BCAR3: variants seen among roughly 807,000 people sequenced by gnomAD.
The protein encoded by BCAR3 is BCAR3 adaptor protein, NSP family member.
Under a neutral mutation model 80.1 loss-of-function variants are expected in BCAR3, and 37 were observed. The ratio of observed to expected loss-of-function variants is 0.46; its 90% CI spans 0.36 to 0.61. BCAR3 has a LOEUF of 0.61. Among genes scored for constraint, BCAR3 ranks in the 20% least tolerant of loss-of-function variants. The pLI is 0.00. For synonymous variants in BCAR3, 389 were observed against 418.9 expected (o/e 0.93, Z 0.87); for missense variants, 978 against 1,068.2 (o/e 0.92, Z 1.18).
intron 3 of BCAR3, among the ~76,000 whole-genome samples, chr1:93,689,372 A>T (rs562953940): frequency 1.6e-4 from 24 of 152,196 alleles, no homozygotes; most frequent in Admixed American, 1.0e-3. Flanking sequence ...TACTAAAAAA[A>T]ATATAAAAAT....
intron 2 of BCAR3, among the ~76,000 whole-genome samples, chr1:93,767,783 T>C (rs1237193680): frequency 1.3e-5 from 2 of 152,178 alleles, no homozygotes; most frequent in Non-Finnish European, 2.9e-5. Context: ...GATGTTCCAT[T>C]AGGATTAGAA....
intron 2 of BCAR3, among the ~76,000 whole-genome samples, chr1:93,804,246 C>T (rs1263020821): frequency 6.6e-6 from 1 of 152,206 alleles, no homozygotes; most frequent in East Asian, 1.9e-4. Flanking sequence ...TTCTATTACC[C>T]ATATGCCTAA....
Position 93,825,040 on chromosome 1 carries a change from G to A in BCAR3, c.-63+20527C>T, listed in dbSNP as rs1225345973. 7.5e-5 allele frequency among the ~76,000 whole-genome samples: 10 copies of A among 133,864 alleles called. 2 individuals carry two copies. Among genetic ancestry groups the A allele is most frequent in the Admixed American group, 6.2e-4 (8 of 12,888 alleles). 87.8% of individuals were successfully genotyped at this position (133,864 alleles called of 152,430 possible). On this transcript the variant is annotated intron_variant, in intron 2 of 13. Coordinates refer to the BCAR3 transcript ENST00000370244. Reference sequence around the variant, plus strand: ...TCTCTGGTAACCTATCAAAACTCACGAGTGCGTACAGAGACCCCCTCAGTG... The same window carrying A: ...TCTCTGGTAACCTATCAAAACTCACAAGTGCGTACAGAGACCCCCTCAGTG...
intron 3 of BCAR3, among the ~76,000 whole-genome samples, chr1:93,623,438 T>A (rs1032064787): frequency 1.3e-5 from 2 of 152,110 alleles, no homozygotes; most frequent in Non-Finnish European, 2.9e-5. Flanking sequence ...AGCAGGTGAA[T>A]GACATGAGAC....
At chr1:93,645,936 T>C (rs965982763) in intron 2 of BCAR3, among the ~76,000 whole-genome samples, 3 of 151,958 alleles carry the variant, frequency 2.0e-5, no homozygotes, top group Non-Finnish European at 4.4e-5. Context: ...CCTAGAGTGA[T>C]GCAACATGTT....
At chr1:93,595,572 C>T (rs1674386287) in intron 3 of BCAR3, among the ~76,000 whole-genome samples, 1 of 152,166 alleles carries the variant, frequency 6.6e-6, no homozygotes, top group South Asian at 2.1e-4. Flanking sequence ...GGAGTGGAAA[C>T]CTTCTAGAAC....
intron 3 of BCAR3, among the ~76,000 whole-genome samples, chr1:93,688,077 T>A (rs1427286810): frequency 1.3e-5 from 2 of 152,228 alleles, no homozygotes; most frequent in East Asian, 3.8e-4. Flanking sequence ...TCTAGGTGCC[T>A]GCCCCTGAAG....
chr1:93,788,821 C>T (rs1055074053), intron 2 of BCAR3, among the ~76,000 whole-genome samples: 1 of 152,152 alleles, frequency 6.6e-6, no homozygotes, highest in African/African-American at 2.4e-5. Flanking sequence ...AGTCACTGCT[C>T]AGTCCCAACT....
chr1:93,621,557 C>T (rs1309531538), intron 3 of BCAR3, among the ~76,000 whole-genome samples: 2 of 152,152 alleles, frequency 1.3e-5, no homozygotes, highest in African/African-American at 4.8e-5. Context: ...CTTGCACACA[C>T]CCGGGTTGTA....
intron 2 of BCAR3, among the ~76,000 whole-genome samples, chr1:93,711,714 T>C (rs1349239902): frequency 6.6e-6 from 1 of 152,230 alleles, no homozygotes; most frequent in Non-Finnish European, 1.5e-5. Context: ...AGAGACTCAA[T>C]AAGCAAAGTA....
intron 3 of BCAR3, among the ~76,000 whole-genome samples, chr1:93,704,856 A>G (rs141074380): frequency 1.3e-5 from 2 of 152,206 alleles, no homozygotes; most frequent in Non-Finnish European, 1.5e-5. Context: ...TCTATTTTTC[A>G]TGGTTTACTT....
chr1:93,660,207 C>T (rs1647587622), intron 2 of BCAR3, among the ~76,000 whole-genome samples: 3 of 152,128 alleles, frequency 2.0e-5, no homozygotes, highest in Admixed American at 2.0e-4. Context: ...TTGACAGGCC[C>T]CCTCATTAAG....
chr1:93,717,499 C>T (rs532531725), intron 2 of BCAR3, among the ~76,000 whole-genome samples: 20 of 152,054 alleles, frequency 1.3e-4, no homozygotes, highest in African/African-American at 3.1e-4. Flanking sequence ...TCGAGGTAGG[C>T]GGATTGCCTG....
chr1:93,677,763 G>C (rs1227401009), intron 1 of BCAR3, among the ~76,000 whole-genome samples: 1 of 152,188 alleles, frequency 6.6e-6, no homozygotes, highest in Admixed American at 6.5e-5. Context: ...TGGAGCTGCT[G>C]CATGTGAGGT....
chr1:93,636,479 T>C (rs997202980), intron 3 of BCAR3, among the ~76,000 whole-genome samples: 1 of 152,136 alleles, frequency 6.6e-6, no homozygotes, highest in Non-Finnish European at 1.5e-5. Context: ...GAGCAGGCCT[T>C]TGTCCACAGG....
At chr1:93,637,992 G>A (rs770362167) in intron 3 of BCAR3, among the ~76,000 whole-genome samples, 5 of 152,214 alleles carry the variant, frequency 3.3e-5, no homozygotes, top group Non-Finnish European at 7.3e-5. Context: ...GCTCACGCCT[G>A]TAATCCCAGC....
intron 2 of BCAR3, among the ~76,000 whole-genome samples, chr1:93,764,753 G>A (rs1652081731): frequency 1.3e-5 from 2 of 152,146 alleles, no homozygotes; most frequent in Non-Finnish European, 2.9e-5. Context: ...TCTTCAGTGT[G>A]GGGGACCTGG....
chr1:93,807,878 A>G (rs1653707666), intron 2 of BCAR3, among the ~76,000 whole-genome samples: 1 of 151,916 alleles, frequency 6.6e-6, no homozygotes, highest in African/African-American at 2.4e-5. Flanking sequence ...TACAAAAAAT[A>G]ACAAAAATTA....
intron 2 of BCAR3, among the ~76,000 whole-genome samples, chr1:93,715,219 T>C (rs1026068036): frequency 3.3e-5 from 5 of 152,254 alleles, no homozygotes; most frequent in African/African-American, 1.2e-4. Context: ...TGGCAGTTCA[T>C]CACCCCTTGT....
Sources: gnomAD v4.1 joint callset for allele counts (sites outside exome capture counted in the v4.1 genomes callset) on GRCh38, gnomAD v4.1.1 for gene constraint, MANE v1.5 for transcripts, NCBI Gene and HGNC (gene_info 2026-07-23, HGNC 2026-07-21) for gene names.